Variants in PLEKHG4B observed in about 807,000 individuals in gnomAD.
PLEKHG4B encodes pleckstrin homology domain-containing family G member 4B.
In PLEKHG4B, 111 loss-of-function variants were observed where a neutral mutation model predicts 121.3. The observed-to-expected ratio is 0.92, with a 90% confidence interval of 0.78 to 1.07. PLEKHG4B has a LOEUF of 1.07. Among genes scored for constraint, PLEKHG4B ranks in the 50% least tolerant of loss-of-function variants. The probability of loss-of-function intolerance (pLI) is 0.00; values close to 1 mark genes in which losing one functional copy is unlikely to be tolerated. For synonymous variants in PLEKHG4B, 738 were observed against 725.0 expected, an observed-to-expected ratio of 1.02 and a Z score of -0.29; for missense variants, 1,831 against 1,757.8, an observed-to-expected ratio of 1.04 and a Z score of -0.74.
intron 2 of PLEKHG4B, among the ~76,000 whole-genome samples, chr5:128,224 C>T (rs1473787800): frequency 2.0e-5 from 3 of 152,140 alleles, no homozygotes; most frequent in African/African-American, 7.2e-5. Context: ...ACAAATTTTC[C>T]CCCACCAAGG....
At chr5:177,709 C>T (rs1560956628) in intron 18 of PLEKHG4B, among the ~76,000 whole-genome samples, 1 of 152,248 alleles carries the variant, frequency 6.6e-6, no homozygotes, top group Non-Finnish European at 1.5e-5. Flanking sequence ...AAGCGGGCAC[C>T]GAGATCGAGT....
chr5:148,599 CAT>C (rs1362999622), intron 6 of PLEKHG4B, among the ~76,000 whole-genome samples: 4 of 152,164 alleles, frequency 2.6e-5, no homozygotes, highest in African/African-American at 4.8e-5. Context: ...AAAGATATCT[CAT>C]GTTCAAGGAT....
chr5:125,890 G>C (rs536677234), intron 2 of PLEKHG4B, among the ~76,000 whole-genome samples: 1 of 152,220 alleles, frequency 6.6e-6, no homozygotes, highest in East Asian at 1.9e-4. Context: ...TTGTCAACAG[G>C]ATTTTTTTCT....
intron 3 of PLEKHG4B, 127 bp from the exon 4 acceptor site, chr5:142,920 G>A: frequency 2.2e-6 from 2 of 919,850 alleles, no homozygotes; most frequent in Non-Finnish European, 3.4e-6. Flanking sequence ...ACTGGGACAA[G>A]TTTTCTCGGA....
Position 140,095 on chromosome 5 carries a change from A to G in PLEKHG4B, c.856A>G (p.Arg286Gly), listed in dbSNP as rs1735109102. The G allele has an allele frequency of 2.1e-6, 1 of 486,120 alleles. No homozygotes were observed. The allele number at this position is 486,120 out of a possible 1,614,324, so 30.1% of individuals were successfully genotyped here. A position where few individuals can be genotyped will look rare whatever the true frequency, so the allele number is the denominator to read the frequency against. The part of the protein sequence containing the change: ...SPRTLSGSSD[R>G]DFEKVSPSEQ... Reference sequence around the variant, plus strand: ...CAGGACCCTGTCTGGAAGCTCAGACAGGGACTTCGAAAAGGTCAGCCCCTC... The same window carrying G: ...CAGGACCCTGTCTGGAAGCTCAGACGGGGACTTCGAAAAGGTCAGCCCCTC... The change falls in exon 3 of 20, where the codon AGG becomes GGG. Residue 286 changes from arginine (R) to glycine (G), a missense_variant. Arg to Gly is a moderately radical substitution (Grantham distance 125, BLOSUM62 -2). Coordinates refer to ENST00000637938, the MANE Select transcript of PLEKHG4B (RefSeq NM_052909.5).
intron 1 of PLEKHG4B, among the ~76,000 whole-genome samples, chr5:104,765 T>A (rs1733925194): frequency 6.6e-6 from 1 of 152,230 alleles, no homozygotes; most frequent in Non-Finnish European, 1.5e-5. Context: ...CCATTGCCGC[T>A]CAACTCAGAT....
chr5:110,118 G>A (rs1290800104), intron 1 of PLEKHG4B, among the ~76,000 whole-genome samples: 155 of 112,442 alleles, frequency 1.4e-3, no homozygotes, highest in African/African-American at 2.7e-3. Context: ...ACACGTGCAC[G>A]CACCCACACA....
In PLEKHG4B at chr5:107,132, C is replaced by T. The variant is rs114746276; in HGVS notation, c.46-6119C>T. 6.4e-3 allele frequency among the ~76,000 whole-genome samples: 978 copies of T among 152,354 alleles called. 6 individuals carry two copies. Among genetic ancestry groups the T allele is most frequent in the African/African-American group, 0.019 (796 of 41,586 alleles). Reference sequence around the variant, plus strand: ...GGCATAATGGCTCATTATTAATGCTCAGCCAACTGTAAAGCTGCTCCAGGT... The same window carrying T: ...GGCATAATGGCTCATTATTAATGCTTAGCCAACTGTAAAGCTGCTCCAGGT... On this transcript the variant is annotated intron_variant, in intron 1 of 19. Coordinates refer to ENST00000637938, the MANE Select transcript of PLEKHG4B (RefSeq NM_052909.5).
At chr5:167,483 A>G (rs539298487) in intron 13 of PLEKHG4B, among the ~76,000 whole-genome samples, 2 of 152,106 alleles carry the variant, frequency 1.3e-5, no homozygotes, top group Admixed American at 1.3e-4. Flanking sequence ...ATCAGGATCG[A>G]GTTATTTAAG....
At chr5:95,439 G>A (rs1733603236) in intron 1 of PLEKHG4B, among the ~76,000 whole-genome samples, 1 of 152,102 alleles carries the variant, frequency 6.6e-6, no homozygotes, top group Non-Finnish European at 1.5e-5. Context: ...CCCTGGGGAG[G>A]GTCTGCATAC....
At chr5:164,327 G>A (rs1736159895) in intron 13 of PLEKHG4B, among the ~76,000 whole-genome samples, 2 of 152,262 alleles carry the variant, frequency 1.3e-5, no homozygotes, top group East Asian at 1.9e-4. Flanking sequence ...TCCCTCACAT[G>A]TGCAGTAGTG....
At chr5:97,864 C>G (rs1317964392) in intron 1 of PLEKHG4B, among the ~76,000 whole-genome samples, 1 of 152,148 alleles carries the variant, frequency 6.6e-6, no homozygotes, top group East Asian at 1.9e-4. Context: ...GACCACCAGA[C>G]TCGCTCCATA....
At chr5:142,857 G>T in intron 3 of PLEKHG4B, among the ~76,000 whole-genome samples, 190 bp from the exon 4 acceptor site, 1 of 152,292 alleles carries the variant, frequency 6.6e-6, no homozygotes, top group East Asian at 1.9e-4. Context: ...CCGCGTGTCC[G>T]TGATGACGCC....
chr5:183,987 A>AGATCGATCGATCGATC lies in PLEKHG4B; in HGVS notation c.*1671_*1672insCGATCGATCGATCGAT, dbSNP rs70955213. The AGATCGATCGATCGATC allele has an allele frequency of 1.5e-4, 12 of 81,000 alleles. No individual in the cohort carries two copies. Among genetic ancestry groups the AGATCGATCGATCGATC allele is most frequent in the African/African-American group, 4.7e-4 (12 of 25,690 alleles). The allele number at this position is 81,000 out of a possible 1,614,324, so 5.0% of individuals were successfully genotyped here. A position where few individuals can be genotyped will look rare whatever the true frequency, so the allele number is the denominator to read the frequency against. On this transcript the variant is annotated 3_prime_UTR_variant, in exon 20 of 20. Coordinates refer to ENST00000637938, the MANE Select transcript of PLEKHG4B (RefSeq NM_052909.5). ...TATACAGACAGATAGATAGATAGAT[A>AGATCGATCGATCGATC]GATCGATAGATAGATAGATAGATAG...
At chr5:135,682 A>AATATATATATATATAT (rs70955207) in intron 2 of PLEKHG4B, among the ~76,000 whole-genome samples, 2 of 19,606 alleles carry the variant, frequency 1.0e-4, no homozygotes, top group African/African-American at 1.5e-4. Context: ...AAAAAAAAAA[A>AATATATATATATATAT]ATATATATAT....
At chr5:128,673 C>T (rs1025335020) in intron 2 of PLEKHG4B, among the ~76,000 whole-genome samples, 2 of 152,168 alleles carry the variant, frequency 1.3e-5, no homozygotes, top group African/African-American at 4.8e-5. Flanking sequence ...CTCCAGAGTT[C>T]CAAAATAGTT....
At chr5:141,711 A>ATTTT (rs34273619) in intron 3 of PLEKHG4B, among the ~76,000 whole-genome samples, 1,868 of 127,488 alleles carry the variant, frequency 0.015, 67 homozygotes, top group African/African-American at 0.053. Flanking sequence ...TAAATATTTC[A>ATTTT]TTTTTTTTTT....
At chr5:93,854 G>A (rs1733547551) in intron 1 of PLEKHG4B, among the ~76,000 whole-genome samples, 2 of 152,196 alleles carry the variant, frequency 1.3e-5, no homozygotes. Context: ...CCTGAGACCT[G>A]TATTCACAGG....
At position 155,398 on chromosome 5, in the gene PLEKHG4B, T is replaced by A. The variant is rs748751990; in HGVS notation, c.2163T>A (p.Asn721Lys). 1 of 1,614,214 alleles carries A rather than the reference T, an allele frequency of 6.2e-7. No individual in the cohort carries two copies. Among genetic ancestry groups the A allele is most frequent in the East Asian group, 2.2e-5 (1 of 44,890 alleles). Residue 721 changes from asparagine (N) to lysine (K), a missense_variant, in exon 9 of 20, where the codon AAT becomes AAA. Coordinates refer to ENST00000637938, the MANE Select transcript of PLEKHG4B (RefSeq NM_052909.5). Reference sequence around the variant, plus strand: ...AAGAAGCCATCATTTTCCTACAGAATTCATTCTGCTCCCTGAACACCCACA... The same window carrying A: ...AAGAAGCCATCATTTTCCTACAGAAATCATTCTGCTCCCTGAACACCCACA... Reference protein sequence around the residue: ...NCEEAIIFLQNSFCSLNTHRT... With the variant: ...NCEEAIIFLQKSFCSLNTHRT...
Sources: gnomAD v4.1 joint callset for allele counts (sites outside exome capture counted in the v4.1 genomes callset) on GRCh38, gnomAD v4.1.1 for gene constraint, MANE v1.5 for transcripts, NCBI Gene and HGNC (gene_info 2026-07-23, HGNC 2026-07-21) for gene names.